The following PLCH1 variants were observed in gnomAD, a reference collection of about 807,000 sequenced individuals.
PLCH1 encodes the protein phospholipase C eta 1.
In PLCH1, 60 loss-of-function variants were observed where a neutral mutation model predicts 126.7. The observed-to-expected ratio is 0.47, with a 90% CI of 0.38 to 0.59. PLCH1 has a LOEUF of 0.59. Ranked by LOEUF, PLCH1 falls within the 20% of genes least tolerant of loss-of-function variation. PLCH1 has a pLI of 0.00. For missense variants in PLCH1, 1,723 were observed against 2,040.0 expected, an observed-to-expected ratio of 0.84 and a Z score of 2.99; for synonymous variants, 719 against 734.9, an observed-to-expected ratio of 0.98 and a Z score of 0.35.
chr3:155,494,086 T>TA (rs1716646380), intron 17 of PLCH1, 55 bp downstream of exon 17: 2 of 1,374,874 alleles, frequency 1.5e-6, no homozygotes, highest in East Asian at 4.6e-5. Context: ...TTGCCTGCAT[T>TA]TAGACTATGA....
At chr3:155,571,331 C>T (rs1325793098) in intron 6 of PLCH1, among the ~76,000 whole-genome samples, 9 of 152,040 alleles carry the variant, frequency 5.9e-5, no homozygotes, top group African/African-American at 2.2e-4. Context: ...TAACTAAAAC[C>T]AGAAGTCCCC....
At chr3:155,491,413 G>T (rs1252375224) in intron 18 of PLCH1, among the ~76,000 whole-genome samples, 1 of 152,018 alleles carries the variant, frequency 6.6e-6, no homozygotes, top group Non-Finnish European at 1.5e-5. Flanking sequence ...ATAGGATTGT[G>T]CACCACACCT....
At chr3:155,526,037 G>T (rs966902502) in intron 10 of PLCH1, among the ~76,000 whole-genome samples, 11 of 152,284 alleles carry the variant, frequency 7.2e-5, no homozygotes, top group African/African-American at 2.6e-4. Context: ...TATTAGCAAG[G>T]CTTTTTACTA....
At chr3:155,564,887 C>T (rs373357549) in intron 8 of PLCH1, 28 bp downstream of exon 8, 6 of 1,507,036 alleles carry the variant, frequency 4.0e-6, no homozygotes, top group South Asian at 2.2e-5. Flanking sequence ...CACCCATACA[C>T]ACCGGAGCTC....
intron 10 of PLCH1, among the ~76,000 whole-genome samples, chr3:155,535,170 TGGG>T (rs1044929899): frequency 2.6e-5 from 4 of 152,178 alleles, no homozygotes; most frequent in Non-Finnish European, 4.4e-5. Context: ...CAGGGGCCTT[TGGG>T]GAGGCTACCA....
intron 22 of PLCH1, 108 bp downstream of exon 22, chr3:155,485,248 C>T: frequency 3.0e-6 from 2 of 676,636 alleles, no homozygotes; most frequent in Non-Finnish European, 5.1e-6. Flanking sequence ...ATTTATTTTT[C>T]AGTATATTTT....
At chr3:155,488,151 A>G (rs1307096875) in intron 20 of PLCH1, 44 bp from the exon 21 acceptor site, 1 of 1,266,330 alleles carries the variant, frequency 7.9e-7, no homozygotes, top group East Asian at 2.3e-5. Flanking sequence ...TTGAACTTGC[A>G]TTTGGCTTTC....
intron 2 of PLCH1, among the ~76,000 whole-genome samples, chr3:155,687,794 T>C (rs186011979): frequency 1.3e-5 from 2 of 152,312 alleles, no homozygotes; most frequent in East Asian, 3.9e-4. Context: ...GGAACACTAT[T>C]ATTTTTCTGG....
chr3:155,684,365 C>A (rs772169277), intron 2 of PLCH1, among the ~76,000 whole-genome samples: 1 of 152,146 alleles, frequency 6.6e-6, no homozygotes, highest in Non-Finnish European at 1.5e-5. Flanking sequence ...AACTCAAAGG[C>A]CTGACTAAAG....
chr3:155,524,708 T>C (rs1439332503), intron 10 of PLCH1, among the ~76,000 whole-genome samples: 2 of 152,094 alleles, frequency 1.3e-5, no homozygotes. Flanking sequence ...CAGGCTTCTA[T>C]TCAAAAATAG....
intron 10 of PLCH1, among the ~76,000 whole-genome samples, chr3:155,536,203 A>T (rs2108359208): frequency 6.6e-6 from 1 of 152,246 alleles, no homozygotes; most frequent in East Asian, 1.9e-4. Flanking sequence ...CTTCCCTCTG[A>T]CGTAGTCTAC....
At chr3:155,469,276 G>T (rs913568482) in intron 21 of PLCH1, among the ~76,000 whole-genome samples, 8 of 152,222 alleles carry the variant, frequency 5.3e-5, no homozygotes, top group African/African-American at 1.9e-4. Flanking sequence ...AGCGCAAGGG[G>T]TCAGGGAGTG....
At chr3:155,696,107 T>A (rs778951759) in intron 2 of PLCH1, among the ~76,000 whole-genome samples, 2 of 152,162 alleles carry the variant, frequency 1.3e-5, no homozygotes, top group South Asian at 2.1e-4. Context: ...ACATGGGAAC[T>A]GAAGCCGTGG....
intron 10 of PLCH1, among the ~76,000 whole-genome samples, chr3:155,542,217 C>T (rs1273270258): frequency 9.2e-5 from 14 of 152,204 alleles, no homozygotes; most frequent in African/African-American, 1.4e-4. Flanking sequence ...TAAAAAACGG[C>T]GCACCAGGAG....
At chr3:155,514,094 C>T (rs1719981094) in intron 12 of PLCH1, among the ~76,000 whole-genome samples, 1 of 152,164 alleles carries the variant, frequency 6.6e-6, no homozygotes, top group Admixed American at 6.5e-5. Context: ...TACAATGACA[C>T]CACTGAGCCT....
chr3:155,490,924 A>T, intron 18 of PLCH1, 56 bp from the exon 19 acceptor site: 3 of 977,804 alleles, frequency 3.1e-6, no homozygotes, highest in Non-Finnish European at 4.8e-6. Context: ...ACATATGTTA[A>T]TTAATCTGAG....
chr3:155,686,814 A>C (rs1744986914), intron 2 of PLCH1, among the ~76,000 whole-genome samples: 1 of 152,182 alleles, frequency 6.6e-6, no homozygotes, highest in Non-Finnish European at 1.5e-5. Context: ...GAGGTCCTTG[A>C]AGTCTTTCCC....
chr3:155,656,816 AC>A (rs1419834744), intron 2 of PLCH1, among the ~76,000 whole-genome samples: 1 of 152,216 alleles, frequency 6.6e-6, no homozygotes, highest in Non-Finnish European at 1.5e-5. Flanking sequence ...TAAGAAAAAA[AC>A]AATCAAAGGC....
chr3:155,619,090 T>C (rs1482699033), intron 2 of PLCH1, among the ~76,000 whole-genome samples: 1 of 148,650 alleles, frequency 6.7e-6, no homozygotes, highest in African/African-American at 2.5e-5. Context: ...AAAACTCTTT[T>C]AGCCTCATGT....
Sources: gnomAD v4.1 joint callset for allele counts (sites outside exome capture counted in the v4.1 genomes callset) on GRCh38, gnomAD v4.1.1 for gene constraint, MANE v1.5 for transcripts, NCBI Gene and HGNC (gene_info 2026-07-23, HGNC 2026-07-21) for gene names.